The following MRTFB variants were observed in gnomAD, a reference collection of about 807,000 sequenced individuals.
MRTFB encodes myocardin related transcription factor B, also known as myocardin-related transcription factor B.
Under a neutral mutation model 104.2 loss-of-function variants are expected in MRTFB, and 29 were observed. That is an observed-to-expected ratio of 0.28 (90% CI 0.21 to 0.38). The LOEUF is 0.38. Ranked by LOEUF, MRTFB falls within the 10% of genes least tolerant of loss-of-function variation. The probability of loss-of-function intolerance (pLI) is 1.00; values close to 1 mark genes in which losing one functional copy is unlikely to be tolerated. For missense variants in MRTFB, 1,270 were observed against 1,341.6 expected, an observed-to-expected ratio of 0.95 and a Z score of 0.83; for synonymous variants, 535 against 519.5, an observed-to-expected ratio of 1.03 and a Z score of -0.41.
chr16:14,149,950 C>T (rs1192605472), intron 3 of MRTFB, among the ~76,000 whole-genome samples: 2 of 152,176 alleles, frequency 1.3e-5, no homozygotes, highest in East Asian at 1.9e-4. Flanking sequence ...AATAATCTTA[C>T]GTATTCCTTC....
the MRTFB span, among the ~76,000 whole-genome samples, chr16:14,044,134 T>C: frequency 6.6e-6 from 1 of 152,016 alleles, no homozygotes; most frequent in South Asian, 2.1e-4. Flanking sequence ...AAAGGCCTTG[T>C]CATTCATTCA....
At chr16:14,031,486 A>G in the MRTFB span, among the ~76,000 whole-genome samples, 1 of 152,188 alleles carries the variant, frequency 6.6e-6, no homozygotes, top group Non-Finnish European at 1.5e-5. Context: ...TACTAGAAAA[A>G]TAACTAGCAC....
At chr16:14,003,158 T>C in the MRTFB span, among the ~76,000 whole-genome samples, 7 of 152,156 alleles carry the variant, frequency 4.6e-5, no homozygotes, top group East Asian at 1.9e-4. Flanking sequence ...TGGCCAGGCA[T>C]CCTCCACAAT....
the MRTFB span, among the ~76,000 whole-genome samples, chr16:14,053,267 T>C: frequency 2.0e-5 from 3 of 152,130 alleles, no homozygotes; most frequent in East Asian, 1.9e-4. Context: ...AATGGATATA[T>C]GTAATATCCA....
intron 2 of MRTFB, among the ~76,000 whole-genome samples, chr16:14,096,004 AGTT>A (rs1390948719): frequency 6.6e-6 from 1 of 152,176 alleles, no homozygotes; most frequent in Non-Finnish European, 1.5e-5. Context: ...TGGTTAGTAC[AGTT>A]GTTCTTTTGA....
At chr16:14,166,731 GC>G (rs1304262496) in intron 3 of MRTFB, among the ~76,000 whole-genome samples, 1 of 150,228 alleles carries the variant, frequency 6.7e-6, no homozygotes, top group East Asian at 2.0e-4. Context: ...TCATTGTTCA[GC>G]TCCCACCTAT....
chr16:14,184,222 ATTTT>A (rs561797213), intron 3 of MRTFB, among the ~76,000 whole-genome samples: 2 of 134,964 alleles, frequency 1.5e-5, no homozygotes. Context: ...AAAGTATTTG[ATTTT>A]TTTTTTTTTT....
At chr16:14,199,727 G>A (rs938058358) in intron 3 of MRTFB, among the ~76,000 whole-genome samples, 2 of 152,188 alleles carry the variant, frequency 1.3e-5, no homozygotes, top group Non-Finnish European at 2.9e-5. Context: ...TGTGCTCAAA[G>A]TTTCTATCCT....
At chr16:14,208,618 G>A (rs1199055361) in intron 3 of MRTFB, among the ~76,000 whole-genome samples, 3 of 152,082 alleles carry the variant, frequency 2.0e-5, no homozygotes, top group Non-Finnish European at 2.9e-5. Context: ...TTGAGATTCT[G>A]CTTCTTGAAT....
In MRTFB at chr16:14,252,470, C is replaced by T; in HGVS notation, c.2671C>T (p.Gln891Ter). 2 of 1,613,944 alleles carry T rather than the reference C, an allele frequency of 1.2e-6. No individual in the cohort carries two copies. The highest frequency in any genetic ancestry group is 1.7e-6 in the Non-Finnish European group (2 of 1,179,990). ...DPPRYEEAIK[Q>*]TRSTQAPLPE... ...CCCCCGCTATGAGGAGGCCATCAAG[C>T]AGACACGCAGCACACAGGCCCCTCT... Residue 891 changes from glutamine to a stop codon, truncating the protein, a stop_gained, in exon 15 of 17, where the codon CAG becomes TAG. Transcript: ENST00000571589. LOFTEE classifies it high-confidence loss of function.
chr16:13,999,259 T>C, the MRTFB span, among the ~76,000 whole-genome samples: 1 of 151,428 alleles, frequency 6.6e-6, no homozygotes, highest in Non-Finnish European at 1.5e-5. Context: ...AGGATGAAAC[T>C]GCAAAATGAA....
At chr16:14,005,417 G>A in the MRTFB span, among the ~76,000 whole-genome samples, 1 of 152,186 alleles carries the variant, frequency 6.6e-6, no homozygotes, top group East Asian at 1.9e-4. Context: ...CAGAGAGTGA[G>A]AGCCTCGTCC....
In MRTFB at chr16:14,184,072, T is replaced by TAAAAA. The variant is rs71757134; in HGVS notation, c.155-26153_155-26149dup. 2.9e-3 allele frequency among the ~76,000 whole-genome samples: 350 copies of TAAAAA among 121,738 alleles called. 2 individuals carry two copies. The highest frequency in any genetic ancestry group is 0.024 in the South Asian group (84 of 3,540). 79.9% of individuals were successfully genotyped at this position (121,738 alleles called of 152,430 possible). ...GATTTAAAAGCAACATCCTGAAATTTAAAAAAAAAAAAAAAAAAAAAAGTT... is the reference window on the plus strand; with the variant it reads ...GATTTAAAAGCAACATCCTGAAATTTAAAAAAAAAAAAAAAAAAAAAAAAAAAGTT... On this transcript the variant is annotated intron_variant, in intron 3 of 16. Transcript: ENST00000571589.
chr16:14,220,275 A>G (rs1479057066), intron 8 of MRTFB, among the ~76,000 whole-genome samples: 1 of 152,220 alleles, frequency 6.6e-6, no homozygotes, highest in South Asian at 2.1e-4. Flanking sequence ...TCAAGTATGC[A>G]AGTAGATACC....
chr16:14,127,642 CAAAAAAA>C, intron 2 of MRTFB, among the ~76,000 whole-genome samples: 1 of 76,232 alleles, frequency 1.3e-5, no homozygotes, highest in South Asian at 4.2e-4. Flanking sequence ...GACTCTGTCT[CAAAAAAA>C]AAAAAAAAAA....
At chr16:14,068,431 C>G (rs1844330970), upstream of MRTFB, among the ~76,000 whole-genome samples, 1 of 152,144 alleles carries the variant, frequency 6.6e-6, no homozygotes, top group Non-Finnish European at 1.5e-5. Context: ...TGGGGATTTT[C>G]TGTTTCATAA....
intron 2 of MRTFB, among the ~76,000 whole-genome samples, chr16:14,127,582 G>T (rs1400621324): frequency 1.3e-5 from 2 of 150,662 alleles, no homozygotes; most frequent in Non-Finnish European, 3.0e-5. Context: ...AGCAGAGGTT[G>T]CAGTGAGCCG....
At position 14,263,852 on chromosome 16, in the gene MRTFB, C is replaced by T. The variant is rs368069855; in HGVS notation, c.*2408C>T. The T allele has an allele frequency of 3.3e-5, 5 of 152,344 alleles. 1 individual carries two copies. Among genetic ancestry groups the T allele is most frequent in the African/African-American group, 1.2e-4 (5 of 41,572 alleles). 9.4% of individuals were successfully genotyped at this position (152,344 alleles called of 1,614,324 possible). ...AAGCCACTCCACTTGCACCATTCCG[C>T]TTGACCCTCCTCTCTCCTGGCTTGG... is the stretch of plus-strand genomic sequence containing the variant. On this transcript the variant is annotated 3_prime_UTR_variant, in exon 17 of 17. Transcript: ENST00000571589.
the MRTFB span, among the ~76,000 whole-genome samples, chr16:14,002,547 C>T: frequency 1.3e-5 from 2 of 152,156 alleles, no homozygotes; most frequent in African/African-American, 2.4e-5. Context: ...GGGTACATTT[C>T]ATGTAAGTTG....
Sources: gnomAD v4.1 joint callset for allele counts (sites outside exome capture counted in the v4.1 genomes callset) on GRCh38, gnomAD v4.1.1 for gene constraint, MANE v1.5 for transcripts, NCBI Gene and HGNC (gene_info 2026-07-23, HGNC 2026-07-21) for gene names.